Variants in ADGRL3 observed in about 807,000 individuals in gnomAD.
ADGRL3 encodes the protein calcium-independent alpha-latrotoxin receptor 3.
A neutral mutation model predicts 153.5 loss-of-function variants in ADGRL3; 62 were observed. That is an observed-to-expected ratio of 0.40 (90% confidence interval 0.33 to 0.50). The LOEUF (loss-of-function observed/expected upper bound fraction) is 0.50. Ranked by LOEUF, ADGRL3 falls within the 20% of genes least tolerant of loss-of-function variation. The pLI, the probability that ADGRL3 is intolerant of heterozygous loss-of-function variation, is 0.47. For synonymous variants in ADGRL3, 710 were observed against 672.5 expected (o/e 1.06, Z -0.86); for missense variants, 1,641 against 1,859.4 (o/e 0.88, Z 2.16).
intron 2 of ADGRL3, among the ~76,000 whole-genome samples, chr4:61,438,777 G>T (rs1209747404): frequency 6.7e-6 from 1 of 149,178 alleles, no homozygotes; most frequent in Non-Finnish European, 1.5e-5. Flanking sequence ...GTGCGATCTC[G>T]GCTCACTGCA....
intron 5 of ADGRL3, among the ~76,000 whole-genome samples, chr4:61,657,829 C>T (rs1209285356): frequency 6.6e-6 from 1 of 152,126 alleles, no homozygotes; most frequent in East Asian, 1.9e-4. Flanking sequence ...TTCCTTTTGA[C>T]ATCAGAGGTT....
At chr4:61,265,055 A>G (rs1163446751) in intron 1 of ADGRL3, among the ~76,000 whole-genome samples, 1 of 151,914 alleles carries the variant, frequency 6.6e-6, no homozygotes, top group East Asian at 1.9e-4. Flanking sequence ...GGTAGGGAAG[A>G]AAAAAAGAAA....
intron 2 of ADGRL3, among the ~76,000 whole-genome samples, chr4:61,446,568 C>T (rs113124447): frequency 3.3e-5 from 5 of 152,138 alleles, no homozygotes; most frequent in Non-Finnish European, 7.3e-5. Flanking sequence ...ACCAACGATA[C>T]TAGTTAATGG....
chr4:61,678,412 G>T (rs2095259237), intron 6 of ADGRL3, among the ~76,000 whole-genome samples: 1 of 151,832 alleles, frequency 6.6e-6, no homozygotes, highest in Non-Finnish European at 1.5e-5. Context: ...TTTAATTAAA[G>T]AATTTCACGG....
intron 4 of ADGRL3, among the ~76,000 whole-genome samples, chr4:61,526,063 C>G (rs890444346): frequency 2.6e-5 from 4 of 152,042 alleles, no homozygotes. Context: ...GGAAAAAATG[C>G]AAGCCATTGA....
chr4:61,506,301 A>G (rs557018061), intron 3 of ADGRL3, among the ~76,000 whole-genome samples: 10 of 152,232 alleles, frequency 6.6e-5, no homozygotes, highest in Admixed American at 5.9e-4. Context: ...AACCAAAAAA[A>G]ACAAATGTTC....
At chr4:62,065,343 A>G (rs1455326072) in intron 25 of ADGRL3, among the ~76,000 whole-genome samples, 1 of 151,946 alleles carries the variant, frequency 6.6e-6, no homozygotes, top group Non-Finnish European at 1.5e-5. Flanking sequence ...TTATATCTCA[A>G]TGTCCCTATT....
intron 8 of ADGRL3, among the ~76,000 whole-genome samples, chr4:61,778,958 C>T (rs573861604): frequency 6.6e-5 from 10 of 151,418 alleles, no homozygotes; most frequent in East Asian, 3.9e-4. Context: ...CTTGGGAGGC[C>T]GAGTTAGGAG....
intron 5 of ADGRL3, among the ~76,000 whole-genome samples, chr4:61,675,228 A>G (rs979865618): frequency 3.3e-5 from 5 of 151,926 alleles, no homozygotes; most frequent in Non-Finnish European, 5.9e-5. Flanking sequence ...TGTTGCCACT[A>G]TCCTTGCAAG....
At chr4:61,789,782 A>G (rs1052415148) in intron 8 of ADGRL3, among the ~76,000 whole-genome samples, 1 of 152,206 alleles carries the variant, frequency 6.6e-6, no homozygotes, top group Admixed American at 6.5e-5. Context: ...ATATACTAGA[A>G]CATACATTAT....
At chr4:61,447,720 A>C (rs1469497796) in intron 2 of ADGRL3, among the ~76,000 whole-genome samples, 1 of 152,194 alleles carries the variant, frequency 6.6e-6, no homozygotes, top group Non-Finnish European at 1.5e-5. Context: ...TTATTTGCTT[A>C]ATATTACAGC....
At chr4:61,786,038 AT>A (rs545557787) in intron 8 of ADGRL3, among the ~76,000 whole-genome samples, 1 of 152,052 alleles carries the variant, frequency 6.6e-6, no homozygotes, top group African/African-American at 2.4e-5. Flanking sequence ...GACAATAGAG[AT>A]TTTTTTATGT....
At chr4:61,567,484 C>A (rs2098821102) in intron 4 of ADGRL3, among the ~76,000 whole-genome samples, 1 of 152,148 alleles carries the variant, frequency 6.6e-6, no homozygotes, top group Non-Finnish European at 1.5e-5. Flanking sequence ...TGACTTGCCC[C>A]TTTACCACGT....
chr4:61,583,277 A>G (rs914841335), intron 4 of ADGRL3, among the ~76,000 whole-genome samples: 3 of 151,996 alleles, frequency 2.0e-5, no homozygotes, highest in Non-Finnish European at 4.4e-5. Flanking sequence ...ACCTACTTCT[A>G]GCCTCCTGAC....
chr4:61,329,803 C>T (rs1382978576), intron 1 of ADGRL3, among the ~76,000 whole-genome samples: 3 of 152,084 alleles, frequency 2.0e-5, no homozygotes, highest in Non-Finnish European at 4.4e-5. Flanking sequence ...ATAAACAATG[C>T]TGTGGAATAA....
intron 2 of ADGRL3, among the ~76,000 whole-genome samples, chr4:61,459,442 T>G (rs989092108): frequency 5.9e-5 from 9 of 152,106 alleles, no homozygotes; most frequent in African/African-American, 1.9e-4. Context: ...CCACATTTTC[T>G]TTAGTCATTC....
intron 5 of ADGRL3, among the ~76,000 whole-genome samples, chr4:61,618,610 A>G (rs2092253891): frequency 1.3e-5 from 2 of 152,196 alleles, no homozygotes; most frequent in Admixed American, 1.3e-4. Flanking sequence ...TTGATCTCTG[A>G]TTCACTAACA....
intron 5 of ADGRL3, among the ~76,000 whole-genome samples, chr4:61,648,106 C>G (rs1192365422): frequency 6.6e-6 from 1 of 151,862 alleles, no homozygotes; most frequent in Non-Finnish European, 1.5e-5. Flanking sequence ...TAAATAATGG[C>G]TGTTATTATT....
intron 8 of ADGRL3, among the ~76,000 whole-genome samples, chr4:61,751,002 C>T (rs6817781): frequency 0.087 from 13,180 of 152,022 alleles, 1,212 homozygotes; most frequent in African/African-American, 0.23. Flanking sequence ...AGCAGGTGAG[C>T]GAGCATTACT....
Sources: gnomAD v4.1 joint callset for allele counts (sites outside exome capture counted in the v4.1 genomes callset) on GRCh38, gnomAD v4.1.1 for gene constraint, MANE v1.5 for transcripts, NCBI Gene and HGNC (gene_info 2026-07-23, HGNC 2026-07-21) for gene names.